Variants in KHDC1 observed in about 807,000 individuals in gnomAD.
KHDC1 encodes the protein KH homology domain-containing protein 1.
A neutral mutation model predicts 24.7 loss-of-function variants in KHDC1; 21 were observed. The observed-to-expected ratio is 0.85, with a 90% CI of 0.60 to 1.23. KHDC1 has a LOEUF of 1.23. KHDC1 is among the 50% of genes most tolerant of loss of function. The pLI is 0.00. For synonymous variants in KHDC1, 98 were observed against 111.7 expected (o/e 0.88, Z 0.77); for missense variants, 274 against 298.5 (o/e 0.92, Z 0.61).
chr6:73,304,094 G>A (rs1767920842), intron 1 of KHDC1, among the ~76,000 whole-genome samples: 2 of 152,002 alleles, frequency 1.3e-5, no homozygotes, highest in African/African-American at 4.8e-5. Context: ...CATGACAATC[G>A]CTTGAACCCA....
intron 2 of KHDC1, among the ~76,000 whole-genome samples, chr6:73,245,069 CT>C (rs755311680): frequency 4.6e-5 from 7 of 152,104 alleles, no homozygotes; most frequent in Admixed American, 1.3e-4. Context: ...AATCTTAAAA[CT>C]TTTGGTTGGC....
chr6:73,272,311 G>A (rs1767194082), intron 2 of KHDC1, among the ~76,000 whole-genome samples: 1 of 151,620 alleles, frequency 6.6e-6, no homozygotes, highest in Non-Finnish European at 1.5e-5. Flanking sequence ...ACAGGCACCT[G>A]CCACCACGTC....
chr6:73,275,184 C>T (rs1767258987), intron 2 of KHDC1: 1 of 152,286 alleles, frequency 6.6e-6, no homozygotes, highest in African/African-American at 2.4e-5. Flanking sequence ...GAAACCCCGT[C>T]CCTACTAAAA....
At chr6:73,290,203 G>A (rs1049102704) in intron 2 of KHDC1, among the ~76,000 whole-genome samples, 6 of 151,676 alleles carry the variant, frequency 4.0e-5, no homozygotes, top group Non-Finnish European at 5.9e-5. Flanking sequence ...CTTGAACCCG[G>A]GAGGCAGAAG....
At chr6:73,279,872 G>A (rs1208441735) in intron 2 of KHDC1, among the ~76,000 whole-genome samples, 3 of 151,618 alleles carry the variant, frequency 2.0e-5, no homozygotes, top group East Asian at 1.9e-4. Flanking sequence ...CACCTTGCCC[G>A]GCCAAGATGA....
At chr6:73,306,179 C>G (rs1045305203) in intron 1 of KHDC1, among the ~76,000 whole-genome samples, 1 of 152,076 alleles carries the variant, frequency 6.6e-6, no homozygotes, top group Non-Finnish European at 1.5e-5. Context: ...CTTCCTGCCT[C>G]CTGCTCCTAC....
At chr6:73,307,705 A>G (rs1371162079) in intron 1 of KHDC1, among the ~76,000 whole-genome samples, 2 of 152,076 alleles carry the variant, frequency 1.3e-5, no homozygotes. Context: ...GAACCGTGCA[A>G]CCGCCTGGCT....
intron 2 of KHDC1, among the ~76,000 whole-genome samples, chr6:73,255,158 T>C (rs1475490318): frequency 1.3e-5 from 2 of 148,636 alleles, no homozygotes; most frequent in South Asian, 2.1e-4. Flanking sequence ...TAAATTCAAA[T>C]GAAAATGACT....
intron 2 of KHDC1, among the ~76,000 whole-genome samples, chr6:73,281,490 G>A (rs762342783): frequency 4.0e-5 from 6 of 150,910 alleles, no homozygotes; most frequent in East Asian, 2.0e-4. Flanking sequence ...GGTGATGGGC[G>A]CCTGTAATCC....
At position 73,248,354 on chromosome 6, in the gene KHDC1, T is replaced by C. The variant is rs1766710807; in HGVS notation, c.207-5824A>G. On this transcript the variant is annotated intron_variant, in intron 2 of 4. Transcript: ENST00000370384. ...CTTCTACTTTAATCCGATGTTCCAC[T>C]TCTCTCTCTGTCTCTCTCTCTCTCT... is the stretch of plus-strand genomic sequence containing the variant. Among the ~76,000 whole-genome samples, 3 of 151,540 alleles carry C rather than the reference T, an allele frequency of 2.0e-5. No individual in the cohort carries two copies. The South Asian group carries it at 6.2e-4, about 31-fold the overall frequency.
intron 1 of KHDC1, among the ~76,000 whole-genome samples, chr6:73,301,798 C>CA (rs1767883141): frequency 6.7e-6 from 1 of 148,628 alleles, no homozygotes. Flanking sequence ...GTCCAGCTAA[C>CA]TTTTTTTTTT....
chr6:73,284,992 A>G (rs1211073510), intron 2 of KHDC1, among the ~76,000 whole-genome samples: 1 of 151,024 alleles, frequency 6.6e-6, no homozygotes. Flanking sequence ...TTACTGGCGC[A>G]TGCCACCACA....
chr6:73,248,212 G>A (rs139774780), intron 2 of KHDC1, among the ~76,000 whole-genome samples: 24 of 152,276 alleles, frequency 1.6e-4, no homozygotes, highest in Middle Eastern at 3.4e-3. Context: ...GTGGACTATT[G>A]TGAGAAATAT....
At chr6:73,294,799 C>T (rs956668398) in intron 1 of KHDC1, among the ~76,000 whole-genome samples, 3 of 152,134 alleles carry the variant, frequency 2.0e-5, no homozygotes, top group Admixed American at 2.0e-4. Flanking sequence ...GCAGCTTTCT[C>T]ATGAATGGTT....
At chr6:73,273,438 A>T (rs1238738653) in intron 2 of KHDC1, among the ~76,000 whole-genome samples, 4 of 150,286 alleles carry the variant, frequency 2.7e-5, no homozygotes, top group African/African-American at 4.9e-5. Context: ...AAAGTGCTGG[A>T]ATTATAGGCA....
At chr6:73,304,799 C>G (rs72945998) in intron 1 of KHDC1, among the ~76,000 whole-genome samples, 1 of 152,128 alleles carries the variant, frequency 6.6e-6, no homozygotes, top group Non-Finnish European at 1.5e-5. Flanking sequence ...CTGAATCTAT[C>G]AGTCACCAAC....
chr6:73,275,980 C>T (rs1453985456), intron 2 of KHDC1: 1 of 152,364 alleles, frequency 6.6e-6, no homozygotes, highest in East Asian at 1.9e-4. Context: ...ATCATGAGGT[C>T]AAGAGTTCGA....
chr6:73,264,462 C>T (rs1002509638), intron 2 of KHDC1, among the ~76,000 whole-genome samples: 38 of 152,278 alleles, frequency 2.5e-4, no homozygotes, highest in Admixed American at 9.2e-4. Flanking sequence ...GCAGGTTGCC[C>T]TCTTGGGGCA....
intron 2 of KHDC1, among the ~76,000 whole-genome samples, chr6:73,281,868 T>A (rs1767420259): frequency 6.6e-6 from 1 of 152,102 alleles, no homozygotes; most frequent in South Asian, 2.1e-4. Context: ...TCTCAGACTT[T>A]TTTTGTTTTT....
Sources: gnomAD v4.1 joint callset for allele counts (sites outside exome capture counted in the v4.1 genomes callset) on GRCh38, gnomAD v4.1.1 for gene constraint, MANE v1.5 for transcripts, NCBI Gene and HGNC (gene_info 2026-07-23, HGNC 2026-07-21) for gene names.